Variants in ZNF189 observed in about 807,000 individuals in gnomAD.
The protein encoded by ZNF189 is zinc finger protein 189.
In ZNF189, 33 loss-of-function variants were observed where a neutral mutation model predicts 53.5. The observed-to-expected ratio is 0.62, with a 90% CI of 0.47 to 0.82. The LOEUF (loss-of-function observed/expected upper bound fraction) is 0.82, where lower values mean the gene tolerates loss of function less well. ZNF189 is among the 40% of genes least tolerant of loss of function. ZNF189 has a pLI of 0.00. For synonymous variants in ZNF189, 247 were observed against 238.8 expected, an observed-to-expected ratio of 1.03 and a Z score of -0.32; for missense variants, 711 against 753.9, an observed-to-expected ratio of 0.94 and a Z score of 0.67.
rs1830876690 is a variant in ZNF189, at chr9:101,409,869, T to A, written c.*220T>A. 3.8e-6 allele frequency: 2 copies of A among 520,316 alleles called. No individual in the cohort carries two copies. The highest frequency in any genetic ancestry group is 3.9e-5 in the African/African-American group (2 of 51,454). The allele number at this position is 520,316 out of a possible 1,614,324, so 32.2% of individuals were successfully genotyped here. On this transcript the variant is annotated 3_prime_UTR_variant, in exon 3 of 3. Transcript: ENST00000339664. ...AGAAAGACTTGGTAATTTATCTAAGTATCTTTAATAAATCTTTCAGCAGAG... is the reference window on the plus strand; with the variant it reads ...AGAAAGACTTGGTAATTTATCTAAGAATCTTTAATAAATCTTTCAGCAGAG...
Position 101,409,515 on chromosome 9 carries a change from C to G in ZNF189, c.1747C>G (p.Leu583Val). Residue 583 changes from leucine (L) to valine (V), a missense_variant, in exon 3 of 3, where the codon CTT becomes GTT. Leu to Val is a conservative substitution (Grantham distance 32). Transcript: ENST00000339664. ...CDKSFSQQRS[L>V]VNHQKIHAEV... The stretch of plus-strand genomic sequence containing the variant: ...CAAAAGTTTCAGTCAACAGCGCAGT[C>G]TTGTCAACCATCAGAAGATCCATGC... 6.2e-7 allele frequency: 1 copy of G among 1,614,072 alleles called. No homozygotes were observed.
intron 2 of ZNF189, among the ~76,000 whole-genome samples, chr9:101,403,574 C>T (rs993637494): frequency 6.6e-6 from 1 of 152,158 alleles, no homozygotes; most frequent in Admixed American, 6.5e-5. Flanking sequence ...ATAGCTACAT[C>T]GATGATACAG....
chr9:101,409,512 A>G lies in ZNF189; in HGVS notation c.1744A>G (p.Ser582Gly), dbSNP rs761028190. ...KCDKSFSQQR[S>G]LVNHQKIHAE... The stretch of plus-strand genomic sequence containing the variant: ...CGACAAAAGTTTCAGTCAACAGCGC[A>G]GTCTTGTCAACCATCAGAAGATCCA... Residue 582 changes from serine to glycine, a missense_variant, in exon 3 of 3, where the codon AGT becomes GGT. By Grantham distance (56) the Ser-to-Gly change is moderately conservative. Coordinates refer to ENST00000339664, the MANE Select transcript of ZNF189 (RefSeq NM_003452.4). 7 of 1,614,018 alleles carry G rather than the reference A, an allele frequency of 4.3e-6. No individual in the cohort carries two copies. In the East Asian group the frequency reaches 1.1e-4, roughly 26 times the overall value.
intron 1 of ZNF189, 122 bp downstream of exon 1, chr9:101,399,311 T>C: frequency 7.0e-7 from 1 of 1,435,268 alleles, no homozygotes; most frequent in Non-Finnish European, 9.2e-7. Context: ...GCCAGCGCCT[T>C]GCAAGGAACT....
chr9:101,406,990 G>A (rs1830738573), intron 2 of ZNF189, among the ~76,000 whole-genome samples: 1 of 152,106 alleles, frequency 6.6e-6, no homozygotes, highest in Non-Finnish European at 1.5e-5. Flanking sequence ...TATGATTTGT[G>A]GTAGGTAAAG....
chr9:101,409,509 C>T lies in ZNF189; in HGVS notation c.1741C>T (p.Arg581Cys), dbSNP rs772245213. The part of the protein sequence containing the change: ...EKCDKSFSQQ[R>C]SLVNHQKIHA... ...GTGCGACAAAAGTTTCAGTCAACAG[C>T]GCAGTCTTGTCAACCATCAGAAGAT... is the stretch of plus-strand genomic sequence containing the variant. Residue 581 changes from arginine to cysteine, a missense_variant, in exon 3 of 3, where the codon CGC becomes TGC. Coordinates refer to ENST00000339664, the MANE Select transcript of ZNF189 (RefSeq NM_003452.4). 13 of 1,613,926 alleles carry T rather than the reference C, an allele frequency of 8.1e-6. No homozygotes were observed. Among genetic ancestry groups the T allele is most frequent in the Admixed American group, 1.7e-5 (1 of 59,982 alleles).
chr9:101,407,492 C>G (rs1236592372), intron 2 of ZNF189: 1 of 399,816 alleles, frequency 2.5e-6, no homozygotes, highest in East Asian at 3.6e-5. Flanking sequence ...CTTAAGTGAT[C>G]AATCCTCCCA....
chr9:101,406,742 C>A (rs1027300730), intron 2 of ZNF189, among the ~76,000 whole-genome samples: 10 of 152,216 alleles, frequency 6.6e-5, no homozygotes, highest in African/African-American at 2.4e-4. Flanking sequence ...ATTATTGAAT[C>A]TTCTAGCGGA....
At position 101,409,228 on chromosome 9, in the gene ZNF189, C is replaced by G. The variant is rs111267913; in HGVS notation, c.1460C>G (p.Thr487Ser). 1.8e-5 allele frequency: 29 copies of G among 1,612,998 alleles called. No individual in the cohort carries two copies. Among genetic ancestry groups the G allele is most frequent in the Non-Finnish European group, 2.4e-5 (28 of 1,179,458 alleles). ...IHTGEKPYLC[T>S]VCGKSFSRSS... ...ACTGGTGAAAAGCCCTATCTATGTA[C>G]TGTCTGTGGGAAAAGCTTCAGCCGG... The change falls in exon 3 of 3, where the codon ACT becomes AGT. Residue 487 changes from threonine (T) to serine (S), a missense_variant. Physicochemically the swap from Thr to Ser is moderately conservative, Grantham distance 58. Coordinates refer to ENST00000339664, the MANE Select transcript of ZNF189 (RefSeq NM_003452.4).
chr9:101,409,656 A>G lies in ZNF189; in HGVS notation c.*7A>G. On this transcript the variant is annotated 3_prime_UTR_variant, in exon 3 of 3. Coordinates refer to ENST00000339664, the MANE Select transcript of ZNF189 (RefSeq NM_003452.4). The stretch of plus-strand genomic sequence containing the variant: ...CACAGCATGGATGCAATAAATGTAG[A>G]GCAATACATAAGCTCAATTTGATTT... The G allele has an allele frequency of 6.3e-7, 1 of 1,590,670 alleles. No individual in the cohort carries two copies. The highest frequency in any genetic ancestry group is 8.5e-7 in the Non-Finnish European group (1 of 1,170,322).
At chr9:101,403,113 T>TGA (rs942588253) in intron 2 of ZNF189, among the ~76,000 whole-genome samples, 1 of 151,924 alleles carries the variant, frequency 6.6e-6, no homozygotes, top group African/African-American at 2.4e-5. Context: ...TGTGTGTGTG[T>TGA]GTGTGTGTGT....
rs1184053434 is a variant in ZNF189 at position 101,398,889 on chromosome 9, C to T, written c.-268C>T. ...CTTGGCTGCAAGGAGGAGGAACTGGCAGCGGGGAGGAGGCTCTAGCGAGGC... is the reference window on the plus strand; with the variant it reads ...CTTGGCTGCAAGGAGGAGGAACTGGTAGCGGGGAGGAGGCTCTAGCGAGGC... On this transcript the variant is annotated 5_prime_UTR_variant, in exon 1 of 3. Coordinates refer to ENST00000339664, the MANE Select transcript of ZNF189 (RefSeq NM_003452.4). The T allele has an allele frequency of 1.2e-5, 7 of 581,918 alleles. No homozygotes were observed. Among genetic ancestry groups the T allele is most frequent in the Non-Finnish European group, 1.8e-5 (6 of 328,338 alleles). 36.0% of individuals were successfully genotyped at this position (581,918 alleles called of 1,614,324 possible). A position where few individuals can be genotyped will look rare whatever the true frequency, so the allele number is the denominator to read the frequency against.
intron 2 of ZNF189, among the ~76,000 whole-genome samples, chr9:101,402,451 A>G (rs2118200547): frequency 1.3e-5 from 2 of 152,364 alleles, no homozygotes; most frequent in South Asian, 4.1e-4. Context: ...TAAGAACAAT[A>G]TAAATGTTGA....
At chr9:101,400,093 G>A (rs969384152) in intron 2 of ZNF189, 83 bp downstream of exon 2, 2 of 1,520,360 alleles carry the variant, frequency 1.3e-6, no homozygotes, top group Non-Finnish European at 8.9e-7. Context: ...ACGGAAACCA[G>A]TACCAAAACT....
chr9:101,405,076 A>G (rs1830662599), intron 2 of ZNF189, among the ~76,000 whole-genome samples: 1 of 152,236 alleles, frequency 6.6e-6, no homozygotes, highest in African/African-American at 2.4e-5. Context: ...AAAGACTGTA[A>G]CACAAACAAT....
Position 101,409,592 on chromosome 9 carries a change from T to G in ZNF189, c.1824T>G (p.Phe608Leu). The G allele has an allele frequency of 6.2e-7, 1 of 1,613,516 alleles. No homozygotes were observed. Among genetic ancestry groups the G allele is most frequent in the Non-Finnish European group, 8.5e-7 (1 of 1,179,864 alleles). The change falls in exon 3 of 3, where the codon TTT (phenylalanine) becomes TTG (leucine). Residue 608 changes from phenylalanine (F) to leucine (L), a missense_variant. Phe to Leu is a conservative substitution (Grantham distance 22). Transcript: ENST00000339664. Reference protein sequence around the residue: ...THECDACGEAFNCRISLIQHQ... With the variant: ...THECDACGEALNCRISLIQHQ... ...AATGTGACGCTTGTGGTGAAGCCTT[T>G]AATTGCCGTATTTCTCTTATTCAGC...
chr9:101,399,500 T>A, intron 1 of ZNF189: 1 of 1,291,752 alleles, frequency 7.7e-7, no homozygotes, highest in African/African-American at 1.5e-5. Context: ...CCTTGTGTCT[T>A]CTGTTCCTGG....
At position 101,409,612 on chromosome 9, in the gene ZNF189, T is replaced by C. The variant is rs1830866452; in HGVS notation, c.1844T>C (p.Ile615Thr). The change falls in exon 3 of 3, where the codon ATT (isoleucine) becomes ACT (threonine). Residue 615 changes from isoleucine to threonine, a missense_variant. Transcript: ENST00000339664. ...GCCTTTAATTGCCGTATTTCTCTTA[T>C]TCAGCATCAGAAATTGCACACAGCA... ...GEAFNCRISL[I>T]QHQKLHTAWM... 3.7e-6 allele frequency: 6 copies of C among 1,612,108 alleles called. No homozygotes were observed. The highest frequency in any genetic ancestry group is 1.3e-5 in the African/African-American group (1 of 74,854).
rs1184380680 is a variant in ZNF189 at position 101,399,605 on chromosome 9, G to A, written c.34-279G>A. The A allele has an allele frequency of 6.9e-6, 9 of 1,300,946 alleles. No homozygotes were observed. In the East Asian group the frequency reaches 2.9e-4, roughly 43 times the overall value. 80.6% of individuals were successfully genotyped at this position (1,300,946 alleles called of 1,614,324 possible). ...CAGTGCAAATGGAAAATTGAAGTAGGCAATGAGGTGAGGGAAGCTTGGAGA... is the reference window on the plus strand; with the variant it reads ...CAGTGCAAATGGAAAATTGAAGTAGACAATGAGGTGAGGGAAGCTTGGAGA... On this transcript the variant is annotated intron_variant, in intron 1 of 2. Coordinates refer to ENST00000339664, the MANE Select transcript of ZNF189 (RefSeq NM_003452.4).
Sources: gnomAD v4.1 joint callset for allele counts (sites outside exome capture counted in the v4.1 genomes callset) on GRCh38, gnomAD v4.1.1 for gene constraint, MANE v1.5 for transcripts, NCBI Gene and HGNC (gene_info 2026-07-23, HGNC 2026-07-21) for gene names.